The following EZH2 variants were observed in gnomAD, a reference collection of about 807,000 sequenced individuals.
The protein encoded by EZH2 is enhancer of zeste 2 polycomb repressive complex 2 subunit.
EZH2 carries 18 observed loss-of-function variants against 98.4 expected under a neutral mutation model. The ratio of observed to expected loss-of-function variants is 0.18; its 90% CI spans 0.13 to 0.27. The LOEUF (loss-of-function observed/expected upper bound fraction) is 0.27. EZH2 is among the 10% of genes least tolerant of loss of function. The pLI, the probability that EZH2 is intolerant of heterozygous loss-of-function variation, is 1.00. For synonymous variants in EZH2, 338 were observed against 312.3 expected (o/e 1.08, Z -0.87); for missense variants, 470 against 935.1 (o/e 0.50, Z 6.49).
chr7:148,870,522 C>T (rs141533325), intron 1 of EZH2, among the ~76,000 whole-genome samples: 9,174 of 151,672 alleles, frequency 0.06, 329 homozygotes, highest in Middle Eastern at 0.085. Context: ...GGCAACATGG[C>T]GAAACCCCAT....
chr7:148,856,119 AGATAATCTCAT>A (rs2129487355), intron 1 of EZH2, among the ~76,000 whole-genome samples: 1 of 152,270 alleles, frequency 6.6e-6, no homozygotes, highest in South Asian at 2.1e-4. Context: ...TAATTTTATG[AGATAATCTCAT>A]GGAAGGAGCA....
At chr7:148,826,140 T>A (rs1807628596) in intron 8 of EZH2, among the ~76,000 whole-genome samples, 1 of 152,140 alleles carries the variant, frequency 6.6e-6, no homozygotes, top group Admixed American at 6.5e-5. Flanking sequence ...TCAGCAATGT[T>A]GCTCTGGGCT....
chr7:148,821,992 TATCTC>T (rs1189669384), intron 8 of EZH2, among the ~76,000 whole-genome samples: 1 of 152,084 alleles, frequency 6.6e-6, no homozygotes. Flanking sequence ...ATGAAGGAAA[TATCTC>T]AAGGTAGTGA....
chr7:148,880,421 T>C (rs771400179), intron 1 of EZH2, among the ~76,000 whole-genome samples: 15 of 152,324 alleles, frequency 9.8e-5, no homozygotes, highest in Middle Eastern at 6.8e-3. Context: ...TACTACCCTC[T>C]CTCGCCCTTT....
chr7:148,834,647 CAAAGAT>C (rs1810403848), intron 3 of EZH2, among the ~76,000 whole-genome samples: 1 of 151,954 alleles, frequency 6.6e-6, no homozygotes, highest in South Asian at 2.1e-4. Context: ...TCCAAAAAGG[CAAAGAT>C]AAAGGTAATA....
Position 148,839,069 on chromosome 7 carries a change from G to GAAGGAAGGAAGT in EZH2, c.247-6320_247-6319insACTTCCTTCCTT. Among the ~76,000 whole-genome samples the GAAGGAAGGAAGT allele has an allele frequency of 3.8e-5, 5 of 131,096 alleles. 2 individuals carry two copies. The highest frequency in any genetic ancestry group is 1.6e-4 in the African/African-American group (5 of 30,482). 86.0% of individuals were successfully genotyped at this position (131,096 alleles called of 152,430 possible). A position where few individuals can be genotyped will look rare whatever the true frequency, so the allele number is the denominator to read the frequency against. On this transcript the variant is annotated intron_variant, in intron 3 of 19. Transcript: ENST00000320356. ...TCTGTCAAATAAGGAAGGAAGGAAG[G>GAAGGAAGGAAGT]AAGGAAGGAAGGAAGGAAGGAAGGA...
chr7:148,860,490 T>G (rs1032595915), intron 1 of EZH2, among the ~76,000 whole-genome samples: 1 of 152,154 alleles, frequency 6.6e-6, no homozygotes, highest in Non-Finnish European at 1.5e-5. Flanking sequence ...TTGAGGTTAA[T>G]TATTCACATA....
intron 15 of EZH2, among the ~76,000 whole-genome samples, chr7:148,813,225 C>G (rs73471803): frequency 0.02 from 3,062 of 151,702 alleles, 92 homozygotes; most frequent in African/African-American, 0.07. Flanking sequence ...AATCAATGAA[C>G]AAATCCACTA....
rs2129471650 is a variant in EZH2, at chr7:148,817,898, C to G, written c.1219G>C (p.Asp407His). ...NNDKEEEEKK[D>H]ETSSSSEANS... ...TTACCAGAGGAGCTCGAAGTTTCATCTTTCTTCTCTTCTTCTTCTTTATCA... is the reference window on the plus strand; with the variant it reads ...TTACCAGAGGAGCTCGAAGTTTCATGTTTCTTCTCTTCTTCTTCTTTATCA... The change falls in exon 10 of 20, where the codon GAT becomes CAT. Residue 407 changes from aspartate (D) to histidine (H), a missense_variant. Physicochemically the swap from Asp to His is moderately conservative, Grantham distance 81 (BLOSUM62 -1). Around this residue, in one of 6 missense-constraint regions of EZH2, gnomAD observed 192 missense variants for 306.8 expected, o/e 0.63. Transcript: ENST00000320356. 1 of 1,614,182 alleles carries G rather than the reference C, an allele frequency of 6.2e-7. No homozygotes were observed. The highest frequency in any genetic ancestry group is 8.5e-7 in the Non-Finnish European group (1 of 1,180,008).
intron 8 of EZH2, among the ~76,000 whole-genome samples, chr7:148,823,112 T>C (rs1377329353): frequency 1.3e-5 from 2 of 152,318 alleles, no homozygotes; most frequent in South Asian, 2.1e-4. Flanking sequence ...CTAAAAGCCA[T>C]TTTTCACTTA....
At chr7:148,861,413 G>T (rs1340732428) in intron 1 of EZH2, among the ~76,000 whole-genome samples, 1 of 151,910 alleles carries the variant, frequency 6.6e-6, no homozygotes, top group Non-Finnish European at 1.5e-5. Flanking sequence ...TTTTAGTAGA[G>T]ACAGGGTTTC....
chr7:148,855,027 A>G (rs1816581774), intron 1 of EZH2, among the ~76,000 whole-genome samples: 2 of 152,266 alleles, frequency 1.3e-5, no homozygotes, highest in African/African-American at 4.8e-5. Flanking sequence ...GTCCCTGTAA[A>G]AAGGAAGACC....
At chr7:148,810,220 G>T in intron 17 of EZH2, 113 bp downstream of exon 17, 1 of 695,948 alleles carries the variant, frequency 1.4e-6, no homozygotes, top group East Asian at 2.5e-5. Flanking sequence ...CCTCTAAGGA[G>T]ATCCTCCTTC....
chr7:148,836,976 G>A, intron 3 of EZH2: 2 of 501,940 alleles, frequency 4.0e-6, no homozygotes, highest in Non-Finnish European at 7.9e-6. Context: ...ATGGAAAATC[G>A]TAGAGGGAAG....
intron 8 of EZH2, among the ~76,000 whole-genome samples, chr7:148,820,192 A>G (rs1043964926): frequency 6.6e-6 from 1 of 152,200 alleles, no homozygotes; most frequent in Admixed American, 6.5e-5. Flanking sequence ...ATCATACCCA[A>G]TCCAAGAACC....
At chr7:148,878,477 CTTT>C (rs1820478583) in intron 1 of EZH2, among the ~76,000 whole-genome samples, 1 of 152,180 alleles carries the variant, frequency 6.6e-6, no homozygotes, top group Admixed American at 6.5e-5. Flanking sequence ...ATTTTGAAAT[CTTT>C]TTACTTTTAT....
At chr7:148,843,106 G>A (rs1372188734) in intron 3 of EZH2, among the ~76,000 whole-genome samples, 1 of 151,728 alleles carries the variant, frequency 6.6e-6, no homozygotes, top group East Asian at 1.9e-4. Flanking sequence ...TACTCAGGAG[G>A]CTGAGGCAGG....
chr7:148,835,834 AAAG>A (rs1404342915), intron 3 of EZH2, among the ~76,000 whole-genome samples: 3 of 152,224 alleles, frequency 2.0e-5, no homozygotes, highest in Non-Finnish European at 4.4e-5. Flanking sequence ...CAACTATGAC[AAAG>A]AAGGAGCATT....
At chr7:148,850,819 T>C (rs948724492) in intron 1 of EZH2, among the ~76,000 whole-genome samples, 3 of 152,172 alleles carry the variant, frequency 2.0e-5, no homozygotes, top group African/African-American at 7.2e-5. Flanking sequence ...AAATATACCA[T>C]GTTTTTTCCT....
Sources: gnomAD v4.1 joint callset for allele counts (sites outside exome capture counted in the v4.1 genomes callset) on GRCh38, gnomAD v4.1.1 for gene constraint, gnomAD v4.1.1 regional missense constraint, MANE v1.5 for transcripts, NCBI Gene and HGNC (gene_info 2026-07-23, HGNC 2026-07-21) for gene names.